MIB2: variants seen among roughly 807,000 people sequenced by gnomAD.
MIB2 encodes the protein MIB E3 ubiquitin protein ligase 2.
Under a neutral mutation model 96.6 loss-of-function variants are expected in MIB2, and 78 were observed. That is an observed-to-expected ratio of 0.81 (90% confidence interval 0.67 to 0.97). The LOEUF (loss-of-function observed/expected upper bound fraction) is 0.97, where lower values mean the gene tolerates loss of function less well. Ranked by LOEUF, MIB2 falls within the 50% of genes least tolerant of loss-of-function variation. The probability of loss-of-function intolerance (pLI) is 0.00; values close to 1 mark genes in which losing one functional copy is unlikely to be tolerated. For synonymous variants in MIB2, 820 were observed against 629.5 expected (o/e 1.30, Z -4.53); for missense variants, 1,543 against 1,424.0 (o/e 1.08, Z -1.35).
rs200269645 is a variant in MIB2 at position 1,628,210 on chromosome 1, C to T, written c.1841+31C>T. The T allele has an allele frequency of 8.3e-5, 134 of 1,612,148 alleles. No individual in the cohort carries two copies. In the South Asian group the frequency reaches 1.1e-3, roughly 13 times the overall value. The stretch of plus-strand genomic sequence containing the variant: ...TGTGGGGTGGGCACACAGCTGCAGC[C>T]GGCCTCTTGCTGTGCTGCCTGGGGG... On this transcript the variant is annotated intron_variant, in intron 14 of 19. Coordinates refer to ENST00000355826, the MANE Select transcript of MIB2 (RefSeq NM_001170687.4).
At chr1:1,622,055 G>GGGCTGGCCTGTGAGGCCCA (rs200534813) in intron 2 of MIB2, among the ~76,000 whole-genome samples, 6 of 152,234 alleles carry the variant, frequency 3.9e-5, no homozygotes, top group African/African-American at 1.4e-4. Context: ...CCCAGGTGGA[G>GGGCTGGCCTGTGAGGCCCA]GGCTGGCCTG....
rs376267622 is a variant in MIB2 at position 1,627,717 on chromosome 1, G to A, written c.1568G>A (p.Arg523Gln). The A allele has an allele frequency of 4.0e-5, 63 of 1,594,916 alleles. No homozygotes were observed. The highest frequency in any genetic ancestry group is 5.3e-5 in the African/African-American group (4 of 74,822). ...AGGGTGCTCCTGAGTGCTGGGTGCC[G>A]GGCGGACGCCATCAACAGCACCCAG... ...ATRVLLSAGCRADAINSTQST... is the reference protein window; with the variant it reads ...ATRVLLSAGCQADAINSTQST... The change falls in exon 13 of 20, where the codon CGG becomes CAG. Residue 523 changes from arginine (R) to glutamine (Q), a missense_variant. Arg to Gln is a conservative substitution (Grantham distance 43). Coordinates refer to ENST00000355826, the MANE Select transcript of MIB2 (RefSeq NM_001170687.4).
chr1:1,623,665 G>A lies in MIB2; in HGVS notation c.213G>A (p.Ala71=), dbSNP rs1191059564. The change falls in exon 3 of 20, where the codon GCG becomes GCA. Residue 71 remains alanine, a synonymous_variant. Coordinates refer to ENST00000355826, the MANE Select transcript of MIB2 (RefSeq NM_001170687.4). ...RTNYRAGYQG[A]HDLLLYDNAQ... ...ACTACCGCGCCGGCTACCAGGGCGC[G>A]CACGACCTGCTGCTGTACGACAACG... 2.0e-6 allele frequency: 3 copies of A among 1,484,302 alleles called. No homozygotes were observed. The highest frequency in any genetic ancestry group is 2.8e-5 in the African/African-American group (2 of 71,386). The allele number at this position is 1,484,302 out of a possible 1,614,324, so 91.9% of individuals were successfully genotyped here. A position where few individuals can be genotyped will look rare whatever the true frequency, so the allele number is the denominator to read the frequency against.
intron 4 of MIB2, among the ~76,000 whole-genome samples, chr1:1,624,456 C>T (rs1644549515): frequency 2.0e-5 from 3 of 152,318 alleles, no homozygotes; most frequent in Middle Eastern, 6.8e-3. Context: ...CCTGGCTGTG[C>T]CCCAGCTCAC....
chr1:1,629,568 T>G lies in MIB2; in HGVS notation c.2563+2T>G. On this transcript the variant is annotated splice_donor_variant, in intron 18 of 19. Transcript: ENST00000355826. LOFTEE classifies it high-confidence loss of function. ...GCCAGCACCGCACCGTGTGTGAGGG[T>G]GAGTGGGGGGCCCCGGGGTGGGGAG... 6.5e-7 allele frequency: 1 copy of G among 1,545,156 alleles called. No homozygotes were observed. Among genetic ancestry groups the G allele is most frequent in the Non-Finnish European group, 8.7e-7 (1 of 1,144,870 alleles).
Position 1,629,292 on chromosome 1 carries a change from G to A in MIB2, c.2362G>A (p.Gly788Ser). 1 of 1,517,000 alleles carries A rather than the reference G, an allele frequency of 6.6e-7. No homozygotes were observed. The highest frequency in any genetic ancestry group is 1.5e-5 in the African/African-American group (1 of 68,910). The allele number at this position is 1,517,000 out of a possible 1,614,324, so 94.0% of individuals were successfully genotyped here. Reference protein sequence around the residue: ...AEGRVLKALQGCAQRFRERQA... With the variant: ...AEGRVLKALQSCAQRFRERQA... ...GGGTCGCGTGCTCAAGGCCCTTCAG[G>A]GCTGCGCCCAGCGCTTCCGGTGAGT... Residue 788 changes from glycine to serine, a missense_variant, in exon 17 of 20, where the codon GGC becomes AGC. Coordinates refer to ENST00000355826, the MANE Select transcript of MIB2 (RefSeq NM_001170687.4).
rs551860185 is a variant in MIB2, at chr1:1,629,279, C to G, written c.2349C>G (p.Leu783=). Residue 783 remains leucine (L), a synonymous_variant, in exon 17 of 20, where the codon CTC becomes CTG. Transcript: ENST00000355826. ...PLDLAAEGRV[L]KALQGCAQRF... Reference sequence around the variant, plus strand: ...ACCTGGCCGCCGAGGGTCGCGTGCTCAAGGCCCTTCAGGGCTGCGCCCAGC... The same window carrying G: ...ACCTGGCCGCCGAGGGTCGCGTGCTGAAGGCCCTTCAGGGCTGCGCCCAGC... 2.9e-5 allele frequency: 45 copies of G among 1,540,374 alleles called. No individual in the cohort carries two copies. In the South Asian group the frequency reaches 4.6e-4, roughly 16 times the overall value.
Position 1,628,312 on chromosome 1 carries a change from G to A in MIB2, c.1881G>A (p.Val627=), listed in dbSNP as rs751655201. The change falls in exon 15 of 20, where the codon GTG becomes GTA. Residue 627 remains valine, a synonymous_variant. Coordinates refer to ENST00000355826, the MANE Select transcript of MIB2 (RefSeq NM_001170687.4). ...RKILARARQL[V]DAKKEDGFTA... ...TTCTGGCTCGGGCGCGGCAGCTGGT[G>A]GACGCCAAGAAGGAGGACGGCTTCA... 1.2e-6 allele frequency: 2 copies of A among 1,612,894 alleles called. No homozygotes were observed. Among genetic ancestry groups the A allele is most frequent in the African/African-American group, 2.7e-5 (2 of 75,054 alleles).
chr1:1,621,713 C>G (rs1433110672), intron 2 of MIB2, among the ~76,000 whole-genome samples: 1 of 152,234 alleles, frequency 6.6e-6, no homozygotes, highest in Admixed American at 6.5e-5. Context: ...GAGGAGGGAG[C>G]ATTGGAGAGG....
Position 1,626,879 on chromosome 1 carries a change from G to C in MIB2, c.1120G>C (p.Gly374Arg). 1 of 1,605,656 alleles carries C rather than the reference G, an allele frequency of 6.2e-7. No homozygotes were observed. Among genetic ancestry groups the C allele is most frequent in the Non-Finnish European group, 8.5e-7 (1 of 1,179,618 alleles). Residue 374 changes from glycine to arginine, a missense_variant, in exon 10 of 20, where the codon GGG becomes CGG. Gly to Arg is a moderately radical substitution (Grantham distance 125, BLOSUM62 -2). Coordinates refer to ENST00000355826, the MANE Select transcript of MIB2 (RefSeq NM_001170687.4). The surrounding 1 kb of genome is among the most constrained non-coding windows in gnomAD (Gnocchi z 5.3). Reference protein sequence around the residue: ...VGKVVKVFGDGNLRVAVAGQR... With the variant: ...VGKVVKVFGDRNLRVAVAGQR... ...GAAGGTGGTGAAAGTGTTTGGAGAC[G>C]GGAACCTGCGTGTAGCAGTCGCTGG...
chr1:1,623,134 T>G, intron 2 of MIB2: 5 of 481,410 alleles, frequency 1.0e-5, no homozygotes, highest in East Asian at 3.8e-5. Context: ...TCCGAGAGCG[T>G]TATTTGTGAA....
Position 1,627,019 on chromosome 1 carries a change from G to A in MIB2, c.1240+20G>A. 2 of 1,607,678 alleles carry A rather than the reference G, an allele frequency of 1.2e-6. No homozygotes were observed. Among genetic ancestry groups the A allele is most frequent in the Non-Finnish European group, 1.7e-6 (2 of 1,177,716 alleles). Reference sequence around the variant, plus strand: ...ACAAAAGTGCGGCACAGCTCAGGCGGCCAGTGGGAGGTGGGGCTGCCCCTG... The same window carrying A: ...ACAAAAGTGCGGCACAGCTCAGGCGACCAGTGGGAGGTGGGGCTGCCCCTG... On this transcript the variant is annotated intron_variant, in intron 10 of 19. Coordinates refer to ENST00000355826, the MANE Select transcript of MIB2 (RefSeq NM_001170687.4).
chr1:1,614,062 A>G (rs1643398840), upstream of MIB2: 1 of 146,774 alleles, frequency 6.8e-6, no homozygotes, highest in South Asian at 2.1e-4. Context: ...TTAACTCAAA[A>G]GAAAAAAAAA....
At position 1,623,766 on chromosome 1, in the gene MIB2, A is replaced by AC; in HGVS notation, c.248-3dup. 1 of 1,569,744 alleles carries AC rather than the reference A, an allele frequency of 6.4e-7. No homozygotes were observed. The highest frequency in any genetic ancestry group is 8.6e-7 in the Non-Finnish European group (1 of 1,160,782). On this transcript the variant is annotated splice_polypyrimidine_tract_variant and splice_region_variant and intron_variant, in intron 3 of 19. Coordinates refer to ENST00000355826, the MANE Select transcript of MIB2 (RefSeq NM_001170687.4). ...GGGAACGCCCCTCTGACCCCACCCC[A>AC]CCCCCAGGCGTCCGGCACCCCAACA...
Position 1,629,400 on chromosome 1 carries a change from C to A in MIB2, c.2397C>A (p.Gly799=). 2 of 1,444,416 alleles carry A rather than the reference C, an allele frequency of 1.4e-6. No homozygotes were observed. The highest frequency in any genetic ancestry group is 1.8e-6 in the Non-Finnish European group (2 of 1,111,024). The allele number at this position is 1,444,416 out of a possible 1,614,324, so 89.5% of individuals were successfully genotyped here. The part of the protein sequence containing the change: ...CAQRFRERQA[G]GGAAPGPRQT... Reference sequence around the variant, plus strand: ...CCCCCTGCAGGGAGCGGCAGGCGGGCGGGGGCGCGGCCCCGGGCCCCAGGC... The same window carrying A: ...CCCCCTGCAGGGAGCGGCAGGCGGGAGGGGGCGCGGCCCCGGGCCCCAGGC... Residue 799 remains glycine, a synonymous_variant, in exon 18 of 20, where the codon GGC becomes GGA. Transcript: ENST00000355826.
At position 1,628,644 on chromosome 1, in the gene MIB2, G is replaced by A. The variant is rs180917188; in HGVS notation, c.2124G>A (p.Ala708=). The A allele has an allele frequency of 6.9e-6, 11 of 1,593,528 alleles. 1 individual carries two copies. The highest frequency in any genetic ancestry group is 7.7e-6 in the Non-Finnish European group (9 of 1,173,524). ...DEEGDTALHV[A]LQRHQLLPLV... ...AGGGGGACACAGCCCTGCACGTGGC[G>A]CTGCAGCGTCATCAGCTGCTGCCCC... Residue 708 remains alanine (A), a synonymous_variant, in exon 16 of 20, where the codon GCG becomes GCA. Transcript: ENST00000355826.
In MIB2 at chr1:1,625,767, C is replaced by T; in HGVS notation, c.972+114C>T. Reference sequence around the variant, plus strand: ...AGGGTGCCAGCTGCACCCACGAGTCCCCAGCCCTGAAGGAAGGGGAGGGAC... The same window carrying T: ...AGGGTGCCAGCTGCACCCACGAGTCTCCAGCCCTGAAGGAAGGGGAGGGAC... On this transcript the variant is annotated intron_variant, in intron 8 of 19. Coordinates refer to ENST00000355826, the MANE Select transcript of MIB2 (RefSeq NM_001170687.4). This position sits in a 1 kb window ranked among gnomAD's most constrained non-coding sequence, Gnocchi z 5.0. 1.2e-6 allele frequency: 1 copy of T among 838,040 alleles called. No homozygotes were observed. Among genetic ancestry groups the T allele is most frequent in the Non-Finnish European group, 1.9e-6 (1 of 528,816 alleles). 51.9% of individuals were successfully genotyped at this position (838,040 alleles called of 1,614,324 possible). A position where few individuals can be genotyped will look rare whatever the true frequency, so the allele number is the denominator to read the frequency against.
rs768391234 is a variant in MIB2, at chr1:1,623,874, G to A, written c.348G>A (p.Thr116=). 37 of 1,611,820 alleles carry A rather than the reference G, an allele frequency of 2.3e-5. No homozygotes were observed. In the East Asian group the frequency reaches 4.0e-4, roughly 17 times the overall value. ...CRVCLDYDLC[T]QCYMHNKHEL... ...TGTGCCTGGACTACGACCTCTGCACGCAGTGCTACATGCACAACAAGCATG... is the reference window on the plus strand; with the variant it reads ...TGTGCCTGGACTACGACCTCTGCACACAGTGCTACATGCACAACAAGCATG... Residue 116 remains threonine, a synonymous_variant, in exon 4 of 20, where the codon ACG becomes ACA. Transcript: ENST00000355826.
chr1:1,625,317 T>G lies in MIB2; in HGVS notation c.753T>G (p.Ser251Arg). ...GKPAELQRRV[S>R]ADSQPFQHGD... ...CGGCGGAGCTGCAGCGCAGGGTGAG[T>G]GCTGACAGCCAGCCCTTCCAGCACG... Residue 251 changes from serine (S) to arginine (R), a missense_variant, in exon 7 of 20, where the codon AGT becomes AGG. By Grantham distance (110) the Ser-to-Arg change is moderately radical. Coordinates refer to ENST00000355826, the MANE Select transcript of MIB2 (RefSeq NM_001170687.4). This position sits in a 1 kb window ranked among gnomAD's most constrained non-coding sequence, Gnocchi z 5.0. The G allele has an allele frequency of 2.5e-6, 4 of 1,581,436 alleles. No individual in the cohort carries two copies. The highest frequency in any genetic ancestry group is 3.4e-6 in the Non-Finnish European group (4 of 1,165,070).
Sources: allele counts gnomAD v4.1 joint callset (sites outside exome capture counted in the v4.1 genomes callset), GRCh38; gene constraint gnomAD v4.1.1; non-coding constraint Gnocchi (gnomAD v3.1); transcripts MANE v1.5; gene names NCBI Gene and HGNC (gene_info 2026-07-23, HGNC 2026-07-21).